The following RSPH14 variants were observed in gnomAD, a reference collection of about 807,000 sequenced individuals.
RSPH14 encodes rhabdoid tumor deletion region gene 1.
RSPH14 carries 20 observed loss-of-function variants against 26.7 expected under a neutral mutation model. That is an observed-to-expected ratio of 0.75 (90% confidence interval 0.53 to 1.09). RSPH14 has a LOEUF of 1.09. RSPH14 is among the 50% of genes least tolerant of loss of function. RSPH14 has a pLI of 0.00. For synonymous variants in RSPH14, 177 were observed against 189.3 expected, an observed-to-expected ratio of 0.93 and a Z score of 0.53; for missense variants, 449 against 457.2, an observed-to-expected ratio of 0.98 and a Z score of 0.16.
At chr22:23,161,508 G>A in the RSPH14 span, 1 of 1,612,100 alleles carries the variant, frequency 6.2e-7, no homozygotes, top group Non-Finnish European at 8.5e-7. Flanking sequence ...AGAAATGGAA[G>A]GGAGTCCGCC....
At chr22:23,145,684 G>A (rs2070725412), upstream of RSPH14, 1 of 1,103,134 alleles carries the variant, frequency 9.1e-7, no homozygotes, top group Non-Finnish European at 1.3e-6. Flanking sequence ...GCGGCCTGCG[G>A]CCCCGGGGCG....
chr22:23,094,962 G>A (rs2069081046), intron 4 of RSPH14, among the ~76,000 whole-genome samples: 1 of 152,240 alleles, frequency 6.6e-6, no homozygotes, highest in African/African-American at 2.4e-5. Context: ...TGCGGTAGAA[G>A]TGAGTCCAGC....
chr22:23,066,141 G>A (rs2068206969), intron 4 of RSPH14, among the ~76,000 whole-genome samples: 1 of 152,320 alleles, frequency 6.6e-6, no homozygotes, highest in African/African-American at 2.4e-5. Flanking sequence ...GAAGGACAAA[G>A]TTCTGGGATG....
intron 4 of RSPH14, among the ~76,000 whole-genome samples, chr22:23,091,079 C>G (rs9624021): frequency 0.043 from 6,556 of 152,256 alleles, 503 homozygotes; most frequent in African/African-American, 0.15. Context: ...CATGCAGATG[C>G]CCACATGCAC....
intron 4 of RSPH14, among the ~76,000 whole-genome samples, chr22:23,092,211 G>A (rs2068999741): frequency 6.6e-6 from 1 of 152,172 alleles, no homozygotes; most frequent in African/African-American, 2.4e-5. Context: ...TAAAGCCCGG[G>A]TTAGACTCAG....
At chr22:23,179,146 G>T in the RSPH14 span, among the ~76,000 whole-genome samples, 1 of 152,158 alleles carries the variant, frequency 6.6e-6, no homozygotes, top group Non-Finnish European at 1.5e-5. Flanking sequence ...CCTTTAGATT[G>T]GACTTCAAAG....
chr22:23,132,997 G>A (rs902461277), intron 4 of RSPH14: 1 of 152,088 alleles, frequency 6.6e-6, no homozygotes, highest in Non-Finnish European at 1.5e-5. Context: ...TGGGTAGCTG[G>A]GACATGGCAT....
chr22:23,069,481 A>C (rs969120120), intron 4 of RSPH14, among the ~76,000 whole-genome samples: 1 of 152,214 alleles, frequency 6.6e-6, no homozygotes, highest in African/African-American at 2.4e-5. Context: ...TTTGAAATTG[A>C]AAACAGAATT....
chr22:23,060,558 G>A (rs1403018679), intron 6 of RSPH14, among the ~76,000 whole-genome samples: 1 of 152,036 alleles, frequency 6.6e-6, no homozygotes, highest in African/African-American at 2.4e-5. Flanking sequence ...CATGGTTCCT[G>A]AGAGATGCCC....
chr22:23,102,533 T>C (rs1335587778), intron 4 of RSPH14, among the ~76,000 whole-genome samples: 4 of 152,140 alleles, frequency 2.6e-5, no homozygotes, highest in Admixed American at 2.6e-4. Flanking sequence ...CCTGGGTAGG[T>C]CCTTGGTCAG....
Position 23,076,267 on chromosome 22 carries a change from G to C in RSPH14, c.422-12134C>G, listed in dbSNP as rs75327175. The stretch of plus-strand genomic sequence containing the variant: ...CTGCTCCCTATTTGATTCATTCATC[G>C]TATGTGTTTGTGTAAGCTCCATGAG... On this transcript the variant is annotated intron_variant, in intron 4 of 6. Transcript: ENST00000216036. Among the ~76,000 whole-genome samples, 1,323 of 152,276 alleles carry C rather than the reference G, an allele frequency of 8.7e-3. 21 individuals are homozygous for C. The highest frequency in any genetic ancestry group is 0.03 in the African/African-American group (1,265 of 41,546).
intron 4 of RSPH14, chr22:23,070,468 C>T (rs1212059359): frequency 1.3e-5 from 2 of 149,530 alleles, no homozygotes; most frequent in East Asian, 2.0e-4. Flanking sequence ...CGCCGCTGCC[C>T]GCGTCGTACG....
intron 4 of RSPH14, among the ~76,000 whole-genome samples, chr22:23,094,614 C>T (rs2069072839): frequency 6.6e-6 from 1 of 152,234 alleles, no homozygotes; most frequent in Admixed American, 6.5e-5. Flanking sequence ...CAGCCCCTGC[C>T]CACTGTGCTT....
the RSPH14 span, among the ~76,000 whole-genome samples, chr22:23,178,612 A>G: frequency 6.6e-6 from 1 of 152,328 alleles, no homozygotes; most frequent in South Asian, 2.1e-4. Flanking sequence ...GGAGGTTAGC[A>G]AGGCCTGCAG....
chr22:23,169,125 G>A, the RSPH14 span, among the ~76,000 whole-genome samples: 1 of 152,174 alleles, frequency 6.6e-6, no homozygotes. Context: ...CCTGAGGAGG[G>A]GCCCAGGTCT....
intron 4 of RSPH14, among the ~76,000 whole-genome samples, chr22:23,111,510 A>G (rs571512681): frequency 6.6e-6 from 1 of 152,372 alleles, no homozygotes; most frequent in South Asian, 2.1e-4. Context: ...GTGATGCCAG[A>G]GAGGTGAGGC....
chr22:23,161,124 C>T, the RSPH14 span: 2 of 1,229,814 alleles, frequency 1.6e-6, no homozygotes, highest in Non-Finnish European at 2.2e-6. Flanking sequence ...TCCTTTGACC[C>T]TCCTCTCAGG....
chr22:23,079,080 G>T (rs1330136111), intron 4 of RSPH14, among the ~76,000 whole-genome samples: 1 of 152,220 alleles, frequency 6.6e-6, no homozygotes, highest in Admixed American at 6.5e-5. Flanking sequence ...CTAGGTCCAT[G>T]TGGGCACATG....
At chr22:23,068,545 G>A (rs1358505964) in intron 4 of RSPH14, among the ~76,000 whole-genome samples, 3 of 152,156 alleles carry the variant, frequency 2.0e-5, no homozygotes, top group Admixed American at 1.3e-4. Context: ...CTTACTTTGA[G>A]GTCAAGTCAG....
Sources: gnomAD v4.1 joint callset for allele counts (sites outside exome capture counted in the v4.1 genomes callset) on GRCh38, gnomAD v4.1.1 for gene constraint, MANE v1.5 for transcripts, NCBI Gene and HGNC (gene_info 2026-07-23, HGNC 2026-07-21) for gene names.